SPATA6: variants seen among roughly 807,000 people sequenced by gnomAD.
SPATA6 encodes the protein spermatogenesis associated 6.
A neutral mutation model predicts 65.3 loss-of-function variants in SPATA6; 56 were observed. That is an observed-to-expected ratio of 0.86 (90% CI 0.69 to 1.07). The LOEUF (loss-of-function observed/expected upper bound fraction) is 1.07, where lower values mean the gene tolerates loss of function less well. Ranked by LOEUF, SPATA6 falls within the 50% of genes least tolerant of loss-of-function variation. SPATA6 has a pLI of 0.00. For missense variants in SPATA6, 590 were observed against 594.8 expected (o/e 0.99, Z 0.08); for synonymous variants, 199 against 213.2 (o/e 0.93, Z 0.58).
chr1:48,359,901 A>T (rs192424854), intron 9 of SPATA6, 131 bp from the exon 10 acceptor site: 1 of 647,082 alleles, frequency 1.5e-6, no homozygotes, highest in East Asian at 3.0e-5. Context: ...TAAAAGTAAT[A>T]AAACATATGC....
rs752777470 is a variant in SPATA6 at position 48,309,900 on chromosome 1, A to G, written c.1195-4022T>C. On this transcript the variant is annotated intron_variant, in intron 11 of 12. Transcript: ENST00000371847. ...TGTATGTTGAGAGTACACTTTCAAC[A>G]CTTAGCCTAAGCCGTAACTGATTGT... 5.6e-4 allele frequency among the ~76,000 whole-genome samples: 86 copies of G among 152,340 alleles called. 1 individual carries two copies. Among genetic ancestry groups the G allele is most frequent in the Non-Finnish European group, 1.1e-3 (76 of 68,038 alleles).
chr1:48,279,227 A>T, the SPATA6 span, among the ~76,000 whole-genome samples: 1 of 152,254 alleles, frequency 6.6e-6, no homozygotes, highest in Non-Finnish European at 1.5e-5. Flanking sequence ...CTGCAAAAAC[A>T]TGCCAAATTG....
the SPATA6 span, among the ~76,000 whole-genome samples, chr1:48,286,258 G>A: frequency 6.6e-6 from 1 of 151,142 alleles, no homozygotes; most frequent in Non-Finnish European, 1.5e-5. Context: ...TATGGAGATT[G>A]CTTTGGGTAG....
intron 3 of SPATA6, among the ~76,000 whole-genome samples, chr1:48,450,811 G>A (rs1656495525): frequency 6.6e-6 from 1 of 152,142 alleles, no homozygotes; most frequent in Admixed American, 6.5e-5. Context: ...GTCGCAATGG[G>A]GCCAGCAGGG....
At chr1:48,288,615 A>C in the SPATA6 span, among the ~76,000 whole-genome samples, 2 of 152,216 alleles carry the variant, frequency 1.3e-5, no homozygotes, top group Non-Finnish European at 2.9e-5. Context: ...GCCATGACAG[A>C]CAGCACCTGG....
chr1:48,387,106 G>A (rs1357625835), intron 8 of SPATA6, among the ~76,000 whole-genome samples: 1 of 152,174 alleles, frequency 6.6e-6, no homozygotes, highest in Non-Finnish European at 1.5e-5. Context: ...TACATGGATG[G>A]CAGCAGGCAA....
chr1:48,271,795 A>C, the SPATA6 span, among the ~76,000 whole-genome samples: 1 of 152,174 alleles, frequency 6.6e-6, no homozygotes, highest in South Asian at 2.1e-4. Flanking sequence ...AGATATGTCC[A>C]GTTTGTGATG....
At chr1:48,448,750 T>C (rs888779544) in intron 3 of SPATA6, among the ~76,000 whole-genome samples, 12 of 152,164 alleles carry the variant, frequency 7.9e-5, no homozygotes, top group African/African-American at 2.9e-4. Flanking sequence ...TGAATGATTC[T>C]GAAAAACATT....
At chr1:48,363,894 G>A (rs1223984896) in intron 9 of SPATA6, among the ~76,000 whole-genome samples, 1 of 151,698 alleles carries the variant, frequency 6.6e-6, no homozygotes, top group East Asian at 1.9e-4. Context: ...CTGGTGTACT[G>A]CACCCATTAA....
Position 48,413,133 on chromosome 1 carries a change from T to C in SPATA6, c.257A>G (p.Glu86Gly). 2 of 1,403,548 alleles carry C rather than the reference T, an allele frequency of 1.4e-6. No individual in the cohort carries two copies. The highest frequency in any genetic ancestry group is 2.9e-5 in the East Asian group (1 of 34,422). The allele number at this position is 1,403,548 out of a possible 1,614,324, so 86.9% of individuals were successfully genotyped here. ...TQLEYDTAVF[E>G]LIQLVPPVGE... ...ACCTGGTGGAACTAGCTGTATCAAC[T>C]CGAACACTGCTGTATCATCTAAAAG... The change falls in exon 4 of 13, where the codon GAG (glutamate) becomes GGG (glycine). Residue 86 changes from glutamate to glycine, a missense_variant. Coordinates refer to ENST00000371847, the MANE Select transcript of SPATA6 (RefSeq NM_019073.4).
At chr1:48,311,996 T>C (rs970378710) in intron 11 of SPATA6, among the ~76,000 whole-genome samples, 2 of 152,076 alleles carry the variant, frequency 1.3e-5, no homozygotes, top group African/African-American at 4.8e-5. Flanking sequence ...GAGATAAAAC[T>C]GCAAGGTGGC....
intron 11 of SPATA6, among the ~76,000 whole-genome samples, chr1:48,348,537 C>T (rs1394119704): frequency 6.6e-6 from 1 of 151,962 alleles, no homozygotes; most frequent in Non-Finnish European, 1.5e-5. Context: ...CTCTGCACTA[C>T]AAGATGCTCC....
intron 11 of SPATA6, among the ~76,000 whole-genome samples, chr1:48,323,327 C>A (rs1270420182): frequency 6.6e-6 from 1 of 151,010 alleles, no homozygotes; most frequent in East Asian, 2.0e-4. Flanking sequence ...AAGAGAAAAC[C>A]AAACACTGCA....
intron 9 of SPATA6, among the ~76,000 whole-genome samples, chr1:48,368,871 C>A (rs748498740): frequency 5.9e-5 from 9 of 152,188 alleles, no homozygotes; most frequent in Non-Finnish European, 8.8e-5. Flanking sequence ...GAGAGGCGTG[C>A]TGTTTTTTAG....
chr1:48,284,994 G>T, the SPATA6 span, among the ~76,000 whole-genome samples: 1 of 152,178 alleles, frequency 6.6e-6, no homozygotes, highest in Non-Finnish European at 1.5e-5. Context: ...GAGCCAGCAC[G>T]CAGGAACGTT....
At chr1:48,294,183 C>T (rs6688805), downstream of SPATA6, among the ~76,000 whole-genome samples, 64,639 of 151,954 alleles carry the variant, frequency 0.43, 14,876 homozygotes, top group African/African-American at 0.62. Flanking sequence ...TTCAAGTGGT[C>T]TTCCTACCTC....
intron 11 of SPATA6, among the ~76,000 whole-genome samples, chr1:48,321,969 T>C (rs1424728566): frequency 1.3e-5 from 2 of 151,908 alleles, no homozygotes; most frequent in African/African-American, 2.4e-5. Flanking sequence ...TAAATGTACA[T>C]GAAAATACAA....
chr1:48,361,799 A>G (rs1269860591), intron 9 of SPATA6, among the ~76,000 whole-genome samples: 1 of 152,158 alleles, frequency 6.6e-6, no homozygotes, highest in Non-Finnish European at 1.5e-5. Context: ...TTATTAAAAC[A>G]TAAGTCCAGC....
chr1:48,318,391 C>T (rs1435907089), intron 11 of SPATA6, among the ~76,000 whole-genome samples: 2 of 151,984 alleles, frequency 1.3e-5, no homozygotes, highest in African/African-American at 4.8e-5. Context: ...CACAAATACA[C>T]AAAATAACTA....
Sources: gnomAD v4.1 joint callset for allele counts (sites outside exome capture counted in the v4.1 genomes callset) on GRCh38, gnomAD v4.1.1 for gene constraint, MANE v1.5 for transcripts, NCBI Gene and HGNC (gene_info 2026-07-23, HGNC 2026-07-21) for gene names.